Variants in GLIS3 observed in about 807,000 individuals in gnomAD.
GLIS3 encodes zinc finger protein GLIS3.
A neutral mutation model predicts 78.6 loss-of-function variants in GLIS3; 53 were observed. That is an observed-to-expected ratio of 0.67 (90% CI 0.54 to 0.85). GLIS3 has a LOEUF of 0.85. Ranked by LOEUF, GLIS3 falls within the 40% of genes least tolerant of loss-of-function variation. The pLI is 0.00. For missense variants in GLIS3, 1,703 were observed against 1,231.1 expected, an observed-to-expected ratio of 1.38 and a Z score of -5.74; for synonymous variants, 684 against 509.9, an observed-to-expected ratio of 1.34 and a Z score of -4.60.
chr9:4,147,279 T>C (rs751341628), intron 2 of GLIS3: 15 of 152,238 alleles, frequency 9.9e-5, no homozygotes, highest in Non-Finnish European at 2.2e-4. Flanking sequence ...ATTTGGAATT[T>C]CTTAACAAAT....
At chr9:3,919,005 G>A (rs900004793) in intron 6 of GLIS3, among the ~76,000 whole-genome samples, 15 of 152,172 alleles carry the variant, frequency 9.9e-5, no homozygotes, top group African/African-American at 3.6e-4. Flanking sequence ...GGAAGAGGGT[G>A]GGAAAGTGCC....
chr9:4,121,695 G>A (rs926087433), intron 3 of GLIS3, among the ~76,000 whole-genome samples: 5 of 151,704 alleles, frequency 3.3e-5, no homozygotes, highest in African/African-American at 1.2e-4. Context: ...AAGTGAAGCT[G>A]TGCTTGATAG....
chr9:4,347,249 C>G (rs1233002897), intron 1 of GLIS3: 2 of 152,192 alleles, frequency 1.3e-5, no homozygotes, highest in Non-Finnish European at 1.5e-5. Context: ...ACAACCAGCT[C>G]TCATGGGAAC....
chr9:4,443,692 T>C, the GLIS3 span, among the ~76,000 whole-genome samples: 2 of 152,208 alleles, frequency 1.3e-5, no homozygotes, highest in Non-Finnish European at 2.9e-5. Flanking sequence ...AGAGGCCAGT[T>C]CAAGAAGTGG....
At chr9:4,168,701 T>C (rs970132779) in intron 2 of GLIS3, among the ~76,000 whole-genome samples, 2 of 152,202 alleles carry the variant, frequency 1.3e-5, no homozygotes, top group African/African-American at 4.8e-5. Flanking sequence ...GTTGTAACTG[T>C]CCTCCAAACC....
In GLIS3 at chr9:4,090,893, C is replaced by CT. The variant is rs1488877539; in HGVS notation, c.1710+26874_1710+26875insA. Among the ~76,000 whole-genome samples the CT allele has an allele frequency of 4.6e-5, 7 of 152,302 alleles. No homozygotes were observed. The East Asian group carries it at 1.2e-3, about 25-fold the overall frequency. On this transcript the variant is annotated intron_variant, in intron 4 of 10. Transcript: ENST00000381971. ...AGAGAAGTTTCATGCATAGCACAGT[C>CT]GTTACAACTGCAGGTTCTAGAATCT...
the GLIS3 span, among the ~76,000 whole-genome samples, chr9:4,407,918 GAAAA>G: frequency 6.7e-6 from 1 of 150,142 alleles, no homozygotes; most frequent in African/African-American, 2.4e-5. Context: ...ACTCTAAGAG[GAAAA>G]AAAAATCTAA....
At chr9:4,341,123 T>C (rs1345322194) in intron 2 of GLIS3, among the ~76,000 whole-genome samples, 1 of 152,226 alleles carries the variant, frequency 6.6e-6, no homozygotes, top group African/African-American at 2.4e-5. Context: ...ACTTATGTGT[T>C]TCCTTTTTGG....
intron 2 of GLIS3, among the ~76,000 whole-genome samples, chr9:4,175,738 G>C (rs181395360): frequency 4.7e-4 from 71 of 152,314 alleles, no homozygotes; most frequent in Admixed American, 1.4e-3. Context: ...AGAAGGCCCA[G>C]AGGAAGTGAA....
At chr9:4,214,954 C>T (rs1333726208) in intron 2 of GLIS3, among the ~76,000 whole-genome samples, 1 of 152,156 alleles carries the variant, frequency 6.6e-6, no homozygotes, top group Non-Finnish European at 1.5e-5. Flanking sequence ...GCTCACCTCA[C>T]CTGTTTGTGA....
intron 4 of GLIS3, among the ~76,000 whole-genome samples, chr9:4,044,184 C>G (rs929066839): frequency 1.3e-5 from 2 of 152,164 alleles, no homozygotes; most frequent in East Asian, 3.8e-4. Context: ...GAAGTTCTTA[C>G]AACAAAAGAA....
intron 6 of GLIS3, among the ~76,000 whole-genome samples, chr9:3,907,654 A>ACT (rs1816316354): frequency 6.8e-6 from 1 of 147,726 alleles, no homozygotes; most frequent in Admixed American, 6.7e-5. Context: ...ACACACACAC[A>ACT]CTACTAAACA....
chr9:4,374,252 C>G, the GLIS3 span, among the ~76,000 whole-genome samples: 5 of 152,216 alleles, frequency 3.3e-5, no homozygotes, highest in African/African-American at 1.2e-4. Context: ...TAGAACAACT[C>G]CCCTTCTCTG....
At chr9:4,176,321 T>C (rs980257030) in intron 2 of GLIS3, among the ~76,000 whole-genome samples, 19 of 152,330 alleles carry the variant, frequency 1.2e-4, no homozygotes, top group African/African-American at 3.8e-4. Flanking sequence ...GAGATAATCA[T>C]AGTGTTTTAG....
At chr9:4,146,673 T>G (rs573801220) in intron 2 of GLIS3, among the ~76,000 whole-genome samples, 9 of 152,334 alleles carry the variant, frequency 5.9e-5, no homozygotes, top group African/African-American at 2.2e-4. Flanking sequence ...AGCAGTGAAT[T>G]AGATTTTTCA....
intron 2 of GLIS3, among the ~76,000 whole-genome samples, chr9:4,132,065 A>G (rs1038510790): frequency 2.0e-5 from 3 of 151,678 alleles, no homozygotes; most frequent in Non-Finnish European, 4.4e-5. Flanking sequence ...AAAAAAAAAA[A>G]CAAAAAACCA....
intron 4 of GLIS3, among the ~76,000 whole-genome samples, chr9:4,037,471 T>C (rs1022332776): frequency 3.3e-5 from 5 of 152,108 alleles, no homozygotes; most frequent in African/African-American, 1.2e-4. Flanking sequence ...ACATGTTTTA[T>C]AAATACATCA....
intron 5 of GLIS3, among the ~76,000 whole-genome samples, chr9:3,933,507 C>T (rs1825736077): frequency 6.6e-6 from 1 of 152,118 alleles, no homozygotes; most frequent in African/African-American, 2.4e-5. Context: ...AAATCTTCAG[C>T]CTATTCAAGA....
At chr9:4,319,888 T>C (rs759012418) in intron 2 of GLIS3, among the ~76,000 whole-genome samples, 7 of 152,196 alleles carry the variant, frequency 4.6e-5, no homozygotes, top group Non-Finnish European at 7.3e-5. Context: ...TAATGAATGA[T>C]TTAGAACCAG....
Sources: allele counts gnomAD v4.1 joint callset (sites outside exome capture counted in the v4.1 genomes callset), GRCh38; gene constraint gnomAD v4.1.1; transcripts MANE v1.5; gene names NCBI Gene and HGNC (gene_info 2026-07-23, HGNC 2026-07-21).